The following CSF2RA variants were observed in gnomAD, a reference collection of about 807,000 sequenced individuals.
The protein encoded by CSF2RA is granulocyte-macrophage colony-stimulating factor receptor subunit alpha.
In CSF2RA, 42 loss-of-function variants were observed where a neutral mutation model predicts 51.6. That is an observed-to-expected ratio of 0.81 (90% confidence interval 0.64 to 1.05). The LOEUF is 1.05. CSF2RA is among the 50% of genes least tolerant of loss of function. CSF2RA has a pLI of 0.00. For missense variants in CSF2RA, 530 were observed against 501.1 expected, an observed-to-expected ratio of 1.06 and a Z score of -0.55; for synonymous variants, 222 against 193.0, an observed-to-expected ratio of 1.15 and a Z score of -1.24.
downstream of CSF2RA, among the ~76,000 whole-genome samples, chrX:1,312,374 A>C (rs752464257): frequency 1.1e-4 from 16 of 152,278 alleles, no homozygotes; most frequent in South Asian, 3.3e-3. Flanking sequence ...ATGCTTATCC[A>C]GGTAAGAACA....
chrX:1,311,666 C>G (rs148712087), downstream of CSF2RA, among the ~76,000 whole-genome samples: 483 of 152,206 alleles, frequency 3.2e-3, 4 homozygotes, highest in East Asian at 7.1e-3. Flanking sequence ...GGCTGGTCTC[C>G]ATCTGACCTC....
intron 9 of CSF2RA, 51 bp downstream of exon 9, chrX:1,295,507 C>T (rs1326587436): frequency 1.3e-5 from 20 of 1,535,326 alleles, no homozygotes; most frequent in Non-Finnish European, 1.7e-5. Flanking sequence ...ACCCTACGGT[C>T]CCCTACTCAC....
At chrX:1,308,244 C>T (rs1341711487) in intron 12 of CSF2RA, among the ~76,000 whole-genome samples, 3 of 152,036 alleles carry the variant, frequency 2.0e-5, no homozygotes, top group African/African-American at 7.2e-5. Context: ...CACGGGGACA[C>T]GTCATTGGTG....
chrX:1,303,618 C>G (rs1474011968), intron 10 of CSF2RA, among the ~76,000 whole-genome samples: 3 of 152,126 alleles, frequency 2.0e-5, no homozygotes, highest in Admixed American at 1.3e-4. Flanking sequence ...TCAGGTGATC[C>G]TCCCGTGTCG....
chrX:1,270,244 T>TTAG (rs1191645081), intron 1 of CSF2RA, among the ~76,000 whole-genome samples: 280 of 65,300 alleles, frequency 4.3e-3, no homozygotes, highest in Non-Finnish European at 5.3e-3. Context: ...TATATATTTT[T>TTAG]TATTATTATT....
chrX:1,313,234 G>A (rs1163411896), downstream of CSF2RA, among the ~76,000 whole-genome samples: 2 of 151,694 alleles, frequency 1.3e-5, no homozygotes, highest in African/African-American at 4.9e-5. Context: ...AACCAGCCTG[G>A]CCAACGTGGT....
chrX:1,274,795 G>T lies in CSF2RA; in HGVS notation c.-50G>T, dbSNP rs1167012273. The T allele has an allele frequency of 2.2e-6, 1 of 453,478 alleles. No individual in the cohort carries two copies. Among genetic ancestry groups the T allele is most frequent in the African/African-American group, 2.0e-5 (1 of 49,882 alleles). The allele number at this position is 453,478 out of a possible 1,614,324, so 28.1% of individuals were successfully genotyped here. A position where few individuals can be genotyped will look rare whatever the true frequency, so the allele number is the denominator to read the frequency against. On this transcript the variant is annotated 5_prime_UTR_variant, in exon 2 of 13. Transcript: ENST00000381529. Reference sequence around the variant, plus strand: ...TCCGTGGAGACAGCAGATCCGAGAAGCGGCGATGTTTGCGTAGAACCCTGT... The same window carrying T: ...TCCGTGGAGACAGCAGATCCGAGAATCGGCGATGTTTGCGTAGAACCCTGT...
chrX:1,307,454 A>G (rs1437819504), intron 12 of CSF2RA, among the ~76,000 whole-genome samples: 1 of 146,088 alleles, frequency 6.8e-6, no homozygotes, highest in Non-Finnish European at 1.5e-5. Context: ...AGCTTATTAG[A>G]TAAGGCCCAC....
chrX:1,300,246 A>C (rs2092280742), intron 9 of CSF2RA: 4 of 447,786 alleles, frequency 8.9e-6, no homozygotes, highest in Admixed American at 4.1e-5. Flanking sequence ...AATAAAATAA[A>C]AAAGCTTAAA....
the CSF2RA span, among the ~76,000 whole-genome samples, chrX:1,320,500 T>TC: frequency 2.1e-4 from 2 of 9,346 alleles, no homozygotes; most frequent in South Asian, 4.9e-3. Context: ...CCAATGTGGC[T>TC]TTTTTTTTTT....
downstream of CSF2RA, among the ~76,000 whole-genome samples, chrX:1,310,852 T>C (rs2084147273): frequency 6.6e-6 from 1 of 151,946 alleles, no homozygotes; most frequent in Non-Finnish European, 1.5e-5. Context: ...CAGGAGGTGT[T>C]TGAATGAAGA....
chrX:1,318,091 C>T, the CSF2RA span, among the ~76,000 whole-genome samples: 12 of 144,548 alleles, frequency 8.3e-5, no homozygotes, highest in South Asian at 2.2e-4. Context: ...CGGGTTCAAG[C>T]GATTCTCCTG....
At chrX:1,305,945 G>A (rs2083519789) in intron 12 of CSF2RA, 2 of 668,662 alleles carry the variant, frequency 3.0e-6, no homozygotes, top group Admixed American at 2.6e-5. Flanking sequence ...AGCTGGGTGT[G>A]GTGGTGTACG....
intron 2 of CSF2RA, among the ~76,000 whole-genome samples, chrX:1,276,750 A>T (rs1390147731): frequency 6.6e-6 from 1 of 152,092 alleles, no homozygotes; most frequent in Non-Finnish European, 1.5e-5. Flanking sequence ...TTAAAGTGGC[A>T]TATACTGATT....
At chrX:1,314,535 A>G (rs762031645), downstream of CSF2RA, among the ~76,000 whole-genome samples, 1,327 of 101,690 alleles carry the variant, frequency 0.013, 99 homozygotes, top group Non-Finnish European at 0.018. Context: ...ATCCCACTGC[A>G]CCTGCCCAAT....
chrX:1,278,936 C>T (rs2089546266), intron 2 of CSF2RA, among the ~76,000 whole-genome samples: 2 of 150,160 alleles, frequency 1.3e-5, no homozygotes, highest in African/African-American at 4.9e-5. Context: ...TACTCGGAGG[C>T]TGAGGCAGTA....
At chrX:1,314,338 C>A (rs36040963), downstream of CSF2RA, among the ~76,000 whole-genome samples, 276 of 65,604 alleles carry the variant, frequency 4.2e-3, 3 homozygotes, top group African/African-American at 0.023. Context: ...CTGCCCAACC[C>A]CACTGCGCCT....
chrX:1,273,894 G>A (rs1156354086), intron 1 of CSF2RA, among the ~76,000 whole-genome samples: 1 of 151,846 alleles, frequency 6.6e-6, no homozygotes, highest in Non-Finnish European at 1.5e-5. Flanking sequence ...CACCGCGCCC[G>A]GCATGAAAGG....
At chrX:1,273,986 C>T (rs1387229900) in intron 1 of CSF2RA, among the ~76,000 whole-genome samples, 1 of 152,020 alleles carries the variant, frequency 6.6e-6, no homozygotes. Flanking sequence ...CTCCATCATT[C>T]TTGCTTTGAA....
Sources: allele counts gnomAD v4.1 joint callset (sites outside exome capture counted in the v4.1 genomes callset), GRCh38; gene constraint gnomAD v4.1.1; transcripts MANE v1.5; gene names NCBI Gene and HGNC (gene_info 2026-07-23, HGNC 2026-07-21).